Variants in SLC30A8 observed in about 807,000 individuals in gnomAD.
SLC30A8 encodes the protein solute carrier family 30 member 8.
Under a neutral mutation model 36.9 loss-of-function variants are expected in SLC30A8, and 27 were observed. The ratio of observed to expected loss-of-function variants is 0.73; its 90% confidence interval spans 0.54 to 1.01. The LOEUF is 1.01. SLC30A8 is among the 50% of genes least tolerant of loss of function. The pLI is 0.00. For missense variants in SLC30A8, 439 were observed against 452.0 expected (o/e 0.97, Z 0.26); for synonymous variants, 164 against 172.4 (o/e 0.95, Z 0.38).
rs1173443120 is a variant in SLC30A8, at chr8:117,163,523, C to G, written c.822C>G (p.Leu274=). ...TCTTAAAGGACTTCTCCATCTTACT[C>G]ATGGAAGGTAGGAGTGATTTTATTA... ...ITILKDFSIL[L]MEGVPKSLNY... The change falls in exon 6 of 8, where the codon CTC becomes CTG. Residue 274 remains leucine, a synonymous_variant. Coordinates refer to ENST00000456015, the MANE Select transcript of SLC30A8 (RefSeq NM_173851.3). 6.2e-7 allele frequency: 1 copy of G among 1,608,730 alleles called. No homozygotes were observed. The highest frequency in any genetic ancestry group is 8.5e-7 in the Non-Finnish European group (1 of 1,176,080).
intron 2 of SLC30A8, among the ~76,000 whole-genome samples, chr8:117,072,047 C>T (rs944552569): frequency 3.3e-5 from 5 of 152,128 alleles, no homozygotes; most frequent in South Asian, 2.1e-4. Flanking sequence ...TTTGGTTTAT[C>T]GGAGGCATTA....
At chr8:117,120,711 A>G (rs1820659252) in intron 2 of SLC30A8, among the ~76,000 whole-genome samples, 1 of 151,876 alleles carries the variant, frequency 6.6e-6, no homozygotes. Flanking sequence ...CATATATCTG[A>G]TATGGGGTTA....
chr8:117,032,872 A>G (rs1380649686), intron 1 of SLC30A8, among the ~76,000 whole-genome samples: 2 of 151,934 alleles, frequency 1.3e-5, no homozygotes, highest in Non-Finnish European at 1.5e-5. Flanking sequence ...CCTGGGTGAC[A>G]ACAGCGAGAC....
At chr8:117,069,850 A>C (rs1008332188) in intron 2 of SLC30A8, among the ~76,000 whole-genome samples, 2 of 152,190 alleles carry the variant, frequency 1.3e-5, no homozygotes, top group Non-Finnish European at 2.9e-5. Flanking sequence ...CAGTCTGCCT[A>C]TGGGAAGATG....
intron 2 of SLC30A8, among the ~76,000 whole-genome samples, chr8:117,120,469 A>G (rs1368652118): frequency 6.6e-6 from 1 of 151,972 alleles, no homozygotes; most frequent in Non-Finnish European, 1.5e-5. Context: ...AGTCAACTCA[A>G]AATGGGTTAA....
chr8:117,157,840 AT>A lies in SLC30A8; in HGVS notation c.570del (p.Ile190MetfsTer3). ...IVSSCAVAANIVLTVVLHQRC... is the reference protein window; with the variant it reads ...IVSSCAVAANXVLTVVLHQRC... ...TTCCAGCTGCGCAGTGGCGGCCAAC[AT>A]TGTGTAAGTCATCCCCTGGTCCCCA... On this transcript the variant is annotated frameshift_variant, in exon 4 of 8. Coordinates refer to ENST00000456015, the MANE Select transcript of SLC30A8 (RefSeq NM_173851.3). LOFTEE classifies it high-confidence loss of function. 1 of 1,613,998 alleles carries A rather than the reference AT, an allele frequency of 6.2e-7. No homozygotes were observed. Among genetic ancestry groups the A allele is most frequent in the Non-Finnish European group, 8.5e-7 (1 of 1,179,954 alleles).
chr8:117,117,649 G>A (rs948420651), intron 2 of SLC30A8, among the ~76,000 whole-genome samples: 1 of 151,950 alleles, frequency 6.6e-6, no homozygotes, highest in Non-Finnish European at 1.5e-5. Flanking sequence ...CAGATGTCAG[G>A]AAAGATGGCT....
At chr8:116,984,820 T>C (rs1338911926) in intron 1 of SLC30A8, among the ~76,000 whole-genome samples, 1 of 152,090 alleles carries the variant, frequency 6.6e-6, no homozygotes, top group Non-Finnish European at 1.5e-5. Flanking sequence ...TTTTATTCTC[T>C]TCCCTGGATC....
At chr8:117,058,567 T>C (rs148461376) in intron 2 of SLC30A8, among the ~76,000 whole-genome samples, 5 of 152,292 alleles carry the variant, frequency 3.3e-5, no homozygotes, top group African/African-American at 9.6e-5. Flanking sequence ...CATTTCAGCA[T>C]ATTAATTTGT....
intron 6 of SLC30A8, among the ~76,000 whole-genome samples, chr8:117,166,745 G>A (rs902316823): frequency 2.7e-5 from 4 of 149,006 alleles, no homozygotes; most frequent in Admixed American, 6.7e-5. Flanking sequence ...CCAGATGATT[G>A]AAATATCCAG....
chr8:117,070,817 A>G (rs1397144064), intron 2 of SLC30A8, among the ~76,000 whole-genome samples: 1 of 152,222 alleles, frequency 6.6e-6, no homozygotes, highest in Admixed American at 6.5e-5. Flanking sequence ...GATTCCACAT[A>G]TAAGTGAGAT....
At chr8:117,011,289 T>C (rs1816336705) in intron 1 of SLC30A8, among the ~76,000 whole-genome samples, 1 of 152,204 alleles carries the variant, frequency 6.6e-6, no homozygotes, top group South Asian at 2.1e-4. Flanking sequence ...TGGTTTTAAC[T>C]GGGTTTATGT....
At chr8:117,136,782 CAT>C (rs1291348116) in intron 1 of SLC30A8, among the ~76,000 whole-genome samples, 1 of 151,952 alleles carries the variant, frequency 6.6e-6, no homozygotes, top group African/African-American at 2.4e-5. Context: ...TTCTTATTAA[CAT>C]AGACTATTAG....
chr8:117,171,015 A>C lies in SLC30A8; in HGVS notation c.830-19A>C. On this transcript the variant is annotated intron_variant, in intron 6 of 7. Transcript: ENST00000456015. Reference sequence around the variant, plus strand: ...ATCTAGTTGAATAACTACAGCCTCCATCTCTTCCCTTTTGTCAGGTGTGCC... The same window carrying C: ...ATCTAGTTGAATAACTACAGCCTCCCTCTCTTCCCTTTTGTCAGGTGTGCC... 1 of 1,568,382 alleles carries C rather than the reference A, an allele frequency of 6.4e-7. No homozygotes were observed. The highest frequency in any genetic ancestry group is 8.6e-7 in the Non-Finnish European group (1 of 1,160,116).
intron 1 of SLC30A8, among the ~76,000 whole-genome samples, chr8:117,034,647 C>T (rs1278627296): frequency 8.5e-5 from 13 of 152,172 alleles, no homozygotes; most frequent in Non-Finnish European, 1.9e-4. Flanking sequence ...ACTACTACAC[C>T]ATGCTGTTTA....
chr8:116,987,294 G>T (rs1237974442), intron 1 of SLC30A8, among the ~76,000 whole-genome samples: 2 of 144,154 alleles, frequency 1.4e-5, no homozygotes, highest in African/African-American at 2.5e-5. Context: ...TTGTGGGGTG[G>T]GGTGGGGTGG....
At chr8:117,006,535 C>A (rs565060701) in intron 1 of SLC30A8, among the ~76,000 whole-genome samples, 1 of 152,252 alleles carries the variant, frequency 6.6e-6, no homozygotes, top group South Asian at 2.1e-4. Flanking sequence ...AGTTCCATTC[C>A]TATTCCTATT....
At chr8:117,063,585 C>T (rs1263362842) in intron 2 of SLC30A8, among the ~76,000 whole-genome samples, 4 of 152,122 alleles carry the variant, frequency 2.6e-5, no homozygotes, top group Admixed American at 6.6e-5. Context: ...ATATTATAAC[C>T]TAGGTTTTTA....
At chr8:117,045,916 CTG>C (rs1244928450) in intron 2 of SLC30A8, among the ~76,000 whole-genome samples, 4 of 150,884 alleles carry the variant, frequency 2.7e-5, no homozygotes, top group African/African-American at 9.8e-5. Context: ...CCTGGGCAGA[CTG>C]TTTTTTTTTT....
Sources: allele counts gnomAD v4.1 joint callset (sites outside exome capture counted in the v4.1 genomes callset), GRCh38; gene constraint gnomAD v4.1.1; transcripts MANE v1.5; gene names NCBI Gene and HGNC (gene_info 2026-07-23, HGNC 2026-07-21).